SLC39A8: variants seen among roughly 807,000 people sequenced by gnomAD.
SLC39A8 encodes metal cation symporter ZIP8.
Under a neutral mutation model 40.4 loss-of-function variants are expected in SLC39A8, and 15 were observed. The ratio of observed to expected loss-of-function variants is 0.37; its 90% CI spans 0.25 to 0.57. The LOEUF (loss-of-function observed/expected upper bound fraction) is 0.57. Ranked by LOEUF, SLC39A8 falls within the 20% of genes least tolerant of loss-of-function variation. SLC39A8 has a pLI of 0.75. For missense variants in SLC39A8, 472 were observed against 558.8 expected (o/e 0.84, Z 1.57); for synonymous variants, 223 against 221.6 (o/e 1.01, Z -0.06).
At chr4:102,270,395 G>A (rs1180410345) in intron 6 of SLC39A8, among the ~76,000 whole-genome samples, 1 of 152,088 alleles carries the variant, frequency 6.6e-6, no homozygotes, top group Non-Finnish European at 1.5e-5. Context: ...AATAGTTTTG[G>A]AACAAACCAA....
intron 2 of SLC39A8, among the ~76,000 whole-genome samples, chr4:102,320,170 T>C (rs13136667): frequency 3.0e-5 from 1 of 33,174 alleles, no homozygotes. Context: ...TATATATACA[T>C]ATATATATAT....
Position 102,262,565 on chromosome 4 carries a change from T to C in SLC39A8, c.*479A>G. The C allele has an allele frequency of 1.0e-6, 1 of 985,290 alleles. No individual in the cohort carries two copies. The highest frequency in any genetic ancestry group is 1.2e-6 in the Non-Finnish European group (1 of 829,664). The allele number at this position is 985,290 out of a possible 1,614,324, so 61.0% of individuals were successfully genotyped here. Reference sequence around the variant, plus strand: ...CTTAAAGACTTGGAATAATTTATATTAGTGTTGCATACATTTTACCTTCTA... The same window carrying C: ...CTTAAAGACTTGGAATAATTTATATCAGTGTTGCATACATTTTACCTTCTA... On this transcript the variant is annotated 3_prime_UTR_variant, in exon 9 of 9. Transcript: ENST00000356736.
chr4:102,340,626 T>C (rs1224798526), intron 2 of SLC39A8, among the ~76,000 whole-genome samples: 1 of 152,230 alleles, frequency 6.6e-6, no homozygotes, highest in Admixed American at 6.5e-5. Flanking sequence ...TAAAAGTCAC[T>C]GAATTGTTTA....
chr4:102,263,646 C>CA (rs1367871200), intron 8 of SLC39A8, among the ~76,000 whole-genome samples: 3 of 152,144 alleles, frequency 2.0e-5, no homozygotes, highest in Non-Finnish European at 4.4e-5. Context: ...TTATTTCTTT[C>CA]ATGAAAGATT....
intron 2 of SLC39A8, among the ~76,000 whole-genome samples, chr4:102,330,736 G>A (rs561657822): frequency 6.6e-6 from 1 of 152,230 alleles, no homozygotes; most frequent in East Asian, 1.9e-4. Flanking sequence ...GAAAATTTCA[G>A]GTCAATATCC....
At chr4:102,274,429 A>G (rs1283800141) in intron 6 of SLC39A8, among the ~76,000 whole-genome samples, 1 of 152,144 alleles carries the variant, frequency 6.6e-6, no homozygotes, top group Non-Finnish European at 1.5e-5. Flanking sequence ...ACAAGCAAAG[A>G]ATCCAAGAAA....
chr4:102,277,761 C>T (rs1028772277), intron 6 of SLC39A8, among the ~76,000 whole-genome samples: 3 of 152,154 alleles, frequency 2.0e-5, no homozygotes, highest in Non-Finnish European at 2.9e-5. Flanking sequence ...GTAACCAAGA[C>T]AGCATAGTAC....
intron 2 of SLC39A8, among the ~76,000 whole-genome samples, chr4:102,336,466 AT>A (rs1473670824): frequency 6.6e-6 from 1 of 152,184 alleles, no homozygotes; most frequent in Non-Finnish European, 1.5e-5. Context: ...ATTATGGTTT[AT>A]TTTTTAATTA....
At chr4:102,321,055 C>T (rs1197278603) in intron 2 of SLC39A8, among the ~76,000 whole-genome samples, 1 of 151,870 alleles carries the variant, frequency 6.6e-6, no homozygotes, top group African/African-American at 2.4e-5. Context: ...TGGAGGATGA[C>T]AACCAGGAAG....
intron 2 of SLC39A8, among the ~76,000 whole-genome samples, chr4:102,319,746 A>G (rs1388433470): frequency 6.6e-6 from 1 of 152,024 alleles, no homozygotes; most frequent in Non-Finnish European, 1.5e-5. Context: ...TTTTGTGTCA[A>G]TTTGACTGGC....
Position 102,263,201 on chromosome 4 carries a change from A to C in SLC39A8, c.1234-8T>G. On this transcript the variant is annotated splice_polypyrimidine_tract_variant and splice_region_variant and intron_variant, in intron 8 of 8. Transcript: ENST00000356736. ...ATCATTCATCTCTGGAAACTAGAAG[A>C]CAGATATATTGTTAGATAACTGTTG... is the stretch of plus-strand genomic sequence containing the variant. The C allele has an allele frequency of 1.2e-6, 2 of 1,612,290 alleles. No homozygotes were observed. Among genetic ancestry groups the C allele is most frequent in the Non-Finnish European group, 1.7e-6 (2 of 1,178,856 alleles).
chr4:102,282,749 C>T (rs983397064), intron 6 of SLC39A8, among the ~76,000 whole-genome samples: 5 of 152,042 alleles, frequency 3.3e-5, no homozygotes, highest in South Asian at 2.1e-4. Context: ...TGTTTTGAGA[C>T]GGAGTCCCAC....
intron 2 of SLC39A8, among the ~76,000 whole-genome samples, chr4:102,334,405 C>T (rs1735587378): frequency 6.6e-6 from 1 of 152,048 alleles, no homozygotes; most frequent in South Asian, 2.1e-4. Context: ...AATATTGTTT[C>T]GAGTATCAAA....
chr4:102,262,089 A>G lies in SLC39A8; in HGVS notation c.*955T>C. The G allele has an allele frequency of 1.0e-6, 1 of 985,998 alleles. No homozygotes were observed. 61.1% of individuals were successfully genotyped at this position (985,998 alleles called of 1,614,324 possible). ...CACACATAAGGAACATATGTTTTCC[A>G]GTTAATCTGTCCTTGATGTACAGCA... On this transcript the variant is annotated 3_prime_UTR_variant, in exon 9 of 9. Transcript: ENST00000356736.
intron 6 of SLC39A8, among the ~76,000 whole-genome samples, chr4:102,273,925 T>G (rs1304994069): frequency 2.0e-5 from 3 of 151,670 alleles, no homozygotes; most frequent in Admixed American, 6.6e-5. Flanking sequence ...GAACGGCCAC[T>G]CAAAAACTCC....
chr4:102,302,901 A>T (rs1449101305), intron 6 of SLC39A8, among the ~76,000 whole-genome samples: 2 of 152,042 alleles, frequency 1.3e-5, no homozygotes, highest in Non-Finnish European at 2.9e-5. Context: ...CTTGGCTGAA[A>T]GCATCATTCA....
At chr4:102,320,082 C>G (rs1330784115) in intron 2 of SLC39A8, among the ~76,000 whole-genome samples, 7 of 149,580 alleles carry the variant, frequency 4.7e-5, no homozygotes, top group Non-Finnish European at 1.0e-4. Flanking sequence ...CTTTCCCAAT[C>G]TGTAGCCTGC....
At chr4:102,342,451 T>C (rs1012966296) in intron 2 of SLC39A8, among the ~76,000 whole-genome samples, 1 of 152,132 alleles carries the variant, frequency 6.6e-6, no homozygotes, top group Non-Finnish European at 1.5e-5. Flanking sequence ...TGAACTGAGA[T>C]CGTGCCATTG....
exon 12 of SLC39A8, chr4:102,251,944 A>G (rs773161746): frequency 1.3e-5 from 2 of 152,268 alleles, no homozygotes; most frequent in Admixed American, 6.5e-5. Context: ...CAAATAGTCA[A>G]TATGCCAGAG....
Sources: allele counts gnomAD v4.1 joint callset (sites outside exome capture counted in the v4.1 genomes callset), GRCh38; gene constraint gnomAD v4.1.1; transcripts MANE v1.5; gene names NCBI Gene and HGNC (gene_info 2026-07-23, HGNC 2026-07-21).